The following BBS2 variants were observed in gnomAD, a reference collection of about 807,000 sequenced individuals.
BBS2 encodes BBSome complex member BBS2.
Under a neutral mutation model 83.0 loss-of-function variants are expected in BBS2, and 62 were observed. That is an observed-to-expected ratio of 0.75 (90% CI 0.61 to 0.92). BBS2 has a LOEUF of 0.92. BBS2 is among the 40% of genes least tolerant of loss of function. The pLI is 0.00. For synonymous variants in BBS2, 303 were observed against 326.1 expected (o/e 0.93, Z 0.76); for missense variants, 784 against 901.0 (o/e 0.87, Z 1.66).
At chr16:56,505,857 A>G in intron 7 of BBS2, 93 bp downstream of exon 7, 1 of 955,542 alleles carries the variant, frequency 1.0e-6, no homozygotes, top group Non-Finnish European at 1.7e-6. Context: ...ACTGAAGTTT[A>G]CATCCCAATG....
chr16:56,473,005 A>G (rs1373665960), intron 17 of BBS2, among the ~76,000 whole-genome samples: 1 of 152,104 alleles, frequency 6.6e-6, no homozygotes, highest in Non-Finnish European at 1.5e-5. Context: ...ATCTCGGCTC[A>G]CTGCTACCTC....
downstream of BBS2, chr16:56,484,339 G>A: frequency 5.4e-6 from 1 of 183,996 alleles, no homozygotes; most frequent in South Asian, 1.0e-4. Context: ...AAATACAAAT[G>A]GGCAATTCTG....
Position 56,502,791 on chromosome 16 carries a change from G to C in BBS2, c.822C>G (p.Asp274Glu). Reference sequence around the variant, plus strand: ...CCTTAAAGATGACCTCCCCAGTTCGGTCACTTCGAGCATCAACCTACAAAT... The same window carrying C: ...CCTTAAAGATGACCTCCCCAGTTCGCTCACTTCGAGCATCAACCTACAAAT... ...WSNGKVDARSDRTGEVIFKDN... is the reference protein window; with the variant it reads ...WSNGKVDARSERTGEVIFKDN... The change falls in exon 8 of 17, where the codon GAC becomes GAG. Residue 274 changes from aspartate to glutamate, a missense_variant. By Grantham distance (45) the Asp-to-Glu change is conservative (BLOSUM62 2). Coordinates refer to ENST00000245157, the MANE Select transcript of BBS2 (RefSeq NM_031885.5). The C allele has an allele frequency of 6.2e-7, 1 of 1,614,130 alleles. No homozygotes were observed.
Position 56,502,390 on chromosome 16 carries a change from T to G in BBS2, c.1007A>C (p.Asp336Ala). Reference sequence around the variant, plus strand: ...CTTCTGACTCAGCTCTCGGATCAGGTCCTGCTCTGCACTGGTGTCCATGAG... The same window carrying G: ...CTTCTGACTCAGCTCTCGGATCAGGGCCTGCTCTGCACTGGTGTCCATGAG... ...GNLMDTSAEQ[D>A]LIRELSQKKQ... The change falls in exon 9 of 17, where the codon GAC becomes GCC. Residue 336 changes from aspartate (D) to alanine (A), a missense_variant. By Grantham distance (126) the Asp-to-Ala change is moderately radical (BLOSUM62 -2). Transcript: ENST00000245157. 3 of 1,614,248 alleles carry G rather than the reference T, an allele frequency of 1.9e-6. No individual in the cohort carries two copies. The South Asian group carries it at 3.3e-5, about 18-fold the overall frequency.
rs11379537 is a variant in BBS2 at position 56,503,919 on chromosome 16, CA to C, written c.805-1112del. On this transcript the variant is annotated intron_variant, in intron 7 of 16. Coordinates refer to ENST00000245157, the MANE Select transcript of BBS2 (RefSeq NM_031885.5). ...GGGTGACAAAGCGAGACTCCAGTCT[CA>C]AAAAAAAAAAAAAAGATGATTATGT... is the stretch of plus-strand genomic sequence containing the variant. Among the ~76,000 whole-genome samples the C allele has an allele frequency of 4.8e-3, 522 of 109,084 alleles. 1 individual carries two copies. The highest frequency in any genetic ancestry group is 6.0e-3 in the Non-Finnish European group (301 of 50,040). 71.6% of individuals were successfully genotyped at this position (109,084 alleles called of 152,430 possible).
At chr16:56,510,146 T>C (rs576567207) in intron 4 of BBS2, 112 bp from the exon 5 acceptor site, 33 of 858,304 alleles carry the variant, frequency 3.8e-5, no homozygotes, top group Non-Finnish European at 5.6e-5. Flanking sequence ...CCACCCAAGA[T>C]TGACAACCTC....
intron 1 of BBS2, among the ~76,000 whole-genome samples, chr16:56,516,420 G>A (rs998788312): frequency 2.6e-5 from 4 of 152,076 alleles, no homozygotes; most frequent in African/African-American, 7.2e-5. Context: ...TTTTTGAGAC[G>A]GAGTCTTGCT....
intron 16 of BBS2, 24 bp from the exon 17 acceptor site, chr16:56,484,891 AC>A: frequency 1.3e-6 from 2 of 1,559,328 alleles, no homozygotes; most frequent in South Asian, 2.2e-5. Context: ...AACATCAGGA[AC>A]CAAAAGATTG....
At chr16:56,486,570 T>C (rs565197833) in intron 15 of BBS2, among the ~76,000 whole-genome samples, 20 of 152,266 alleles carry the variant, frequency 1.3e-4, no homozygotes, top group African/African-American at 4.8e-4. Flanking sequence ...TAAGACATTA[T>C]GTAAGTGAAT....
At chr16:56,510,140 C>T in intron 4 of BBS2, 106 bp from the exon 5 acceptor site, 1 of 907,400 alleles carries the variant, frequency 1.1e-6, no homozygotes, top group Non-Finnish European at 1.8e-6. Flanking sequence ...CTTCTGCCAC[C>T]CAAGATTGAC....
intron 2 of BBS2, 57 bp downstream of exon 2, chr16:56,514,396 T>C: frequency 2.0e-6 from 3 of 1,494,186 alleles, no homozygotes; most frequent in South Asian, 1.1e-5. Context: ...CTTCTAAGCA[T>C]AAAAAATGGA....
At chr16:56,483,985 G>T (rs1963704525), downstream of BBS2, among the ~76,000 whole-genome samples, 1 of 146,268 alleles carries the variant, frequency 6.8e-6, no homozygotes, top group South Asian at 2.2e-4. Context: ...ATAGGTGTGA[G>T]CCACTGAGCT....
intron 5 of BBS2, 144 bp from the exon 6 acceptor site, chr16:56,506,368 G>A: frequency 7.2e-6 from 5 of 698,078 alleles, no homozygotes; most frequent in Non-Finnish European, 1.3e-5. Flanking sequence ...AGTGGGGAAT[G>A]TATTCCTCTT....
Position 56,519,880 on chromosome 16 carries a change from G to C in BBS2, c.-18C>G, listed in dbSNP as rs775691322. ...AGCAGCATGATGGCGGCGGCTTAGG[G>C]GAGGAGGGCTGGAAGCTGGAGACAA... On this transcript the variant is annotated 5_prime_UTR_variant, in exon 1 of 17. Coordinates refer to ENST00000245157, the MANE Select transcript of BBS2 (RefSeq NM_031885.5). The C allele has an allele frequency of 3.1e-6, 5 of 1,600,256 alleles. No individual in the cohort carries two copies. Among genetic ancestry groups the C allele is most frequent in the Non-Finnish European group, 4.3e-6 (5 of 1,167,738 alleles).
chr16:56,509,914 T>C (rs1964529987), intron 5 of BBS2, 43 bp downstream of exon 5: 2 of 1,593,136 alleles, frequency 1.3e-6, no homozygotes, highest in African/African-American at 1.3e-5. Flanking sequence ...AGTACTGATC[T>C]ATCTTGCTCA....
intron 11 of BBS2, chr16:56,500,557 A>G: frequency 2.9e-6 from 1 of 347,238 alleles, no homozygotes; most frequent in Non-Finnish European, 5.4e-6. Flanking sequence ...CCCAGGAGGT[A>G]GAGGTTGCAG....
chr16:56,519,814 G>T lies in BBS2; in HGVS notation c.49C>A (p.Arg17=). 1.2e-6 allele frequency: 2 copies of T among 1,613,864 alleles called. No homozygotes were observed. The highest frequency in any genetic ancestry group is 1.7e-6 in the Non-Finnish European group (2 of 1,179,830). The change falls in exon 1 of 17, where the codon CGA becomes AGA. Residue 17 remains arginine, a synonymous_variant. Coordinates refer to ENST00000245157, the MANE Select transcript of BBS2 (RefSeq NM_031885.5). ...TCGTAGCGCCCTATGGCCACCATTCGGGGGCTGATTTTGTGGCGCAGTTTC... is the reference window on the plus strand; with the variant it reads ...TCGTAGCGCCCTATGGCCACCATTCTGGGGCTGATTTTGTGGCGCAGTTTC... ...TLKLRHKISP[R]MVAIGRYDGT...
intron 1 of BBS2, 87 bp downstream of exon 1, chr16:56,519,659 G>C (rs1448102018): frequency 9.1e-7 from 1 of 1,094,214 alleles, no homozygotes; most frequent in Non-Finnish European, 1.4e-6. Context: ...GGGCGGGGTC[G>C]GAGAGGGGAC....
chr16:56,506,225 C>G lies in BBS2; in HGVS notation c.613-1G>C, dbSNP rs2144163316. 4 of 1,610,710 alleles carry G rather than the reference C, an allele frequency of 2.5e-6. No individual in the cohort carries two copies. The highest frequency in any genetic ancestry group is 3.4e-6 in the Non-Finnish European group (4 of 1,177,144). On this transcript the variant is annotated splice_acceptor_variant, in intron 5 of 16. Transcript: ENST00000245157. LOFTEE classifies it high-confidence loss of function. ...ACATGGGACAAAGAGAGGTGACTAT[C>G]TGCAAAACAATCCACAAAAACACAA...
Sources: gnomAD v4.1 joint callset for allele counts (sites outside exome capture counted in the v4.1 genomes callset) on GRCh38, gnomAD v4.1.1 for gene constraint, MANE v1.5 for transcripts, NCBI Gene and HGNC (gene_info 2026-07-23, HGNC 2026-07-21) for gene names.